RNF213: variants seen among roughly 807,000 people sequenced by gnomAD.
RNF213 encodes E3 ubiquitin-protein ligase RNF213.
Under a neutral mutation model 514.4 loss-of-function variants are expected in RNF213, and 341 were observed. The observed-to-expected ratio is 0.66, with a 90% confidence interval of 0.61 to 0.73. RNF213 has a LOEUF of 0.73. Ranked by LOEUF, RNF213 falls within the 30% of genes least tolerant of loss-of-function variation. The pLI, the probability that RNF213 is intolerant of heterozygous loss-of-function variation, is 0.00. For synonymous variants in RNF213, 2,655 were observed against 2,658.2 expected (o/e 1.00, Z 0.04); for missense variants, 5,767 against 6,615.6 (o/e 0.87, Z 4.45).
rs1238817695 is a variant in RNF213 at position 80,364,421 on chromosome 17, C to T, written c.11751-12C>T. On this transcript the variant is annotated splice_polypyrimidine_tract_variant and intron_variant, in intron 41 of 67. Transcript: ENST00000582970. ...GCCGAGTGAGTGAGTGAGTGGCGCC[C>T]TCTTTTGACAGAGCCCAGTGGAGTC... is the stretch of plus-strand genomic sequence containing the variant. 1 of 1,614,084 alleles carries T rather than the reference C, an allele frequency of 6.2e-7. No homozygotes were observed. Among genetic ancestry groups the T allele is most frequent in the East Asian group, 2.2e-5 (1 of 44,884 alleles).
intron 20 of RNF213, among the ~76,000 whole-genome samples, chr17:80,331,099 G>A (rs1333678880): frequency 6.6e-6 from 1 of 152,082 alleles, no homozygotes; most frequent in Non-Finnish European, 1.5e-5. Flanking sequence ...GATTACGGGC[G>A]TGAGCCACTG....
intron 54 of RNF213, among the ~76,000 whole-genome samples, chr17:80,378,287 A>G (rs1331944359): frequency 6.6e-6 from 1 of 152,208 alleles, no homozygotes; most frequent in Non-Finnish European, 1.5e-5. Context: ...GGTGTGGTCC[A>G]GATGCCAAAG....
chr17:80,273,285 G>A lies in RNF213; in HGVS notation c.142G>A (p.Glu48Lys), dbSNP rs1259465044. The A allele has an allele frequency of 5.0e-6, 8 of 1,613,606 alleles. No homozygotes were observed. Among genetic ancestry groups the A allele is most frequent in the Admixed American group, 1.7e-5 (1 of 60,006 alleles). The change falls in exon 3 of 68, where the codon GAA becomes AAA. Residue 48 changes from glutamate (E) to lysine (K), a missense_variant. By Grantham distance (56) the Glu-to-Lys change is moderately conservative (BLOSUM62 1). Around this residue, in one of 13 missense-constraint regions of RNF213, gnomAD observed 509 missense variants for 496.7 expected, o/e 1.02. Coordinates refer to ENST00000582970, the MANE Select transcript of RNF213 (RefSeq NM_001256071.3). The part of the protein sequence containing the change: ...NSTMASASEG[E>K]MECGQELKEE... ...CACAATGGCGTCGGCCTCGGAGGGTGAAATGGAGTGTGGGCAGGAGCTGAA... is the reference window on the plus strand; with the variant it reads ...CACAATGGCGTCGGCCTCGGAGGGTAAAATGGAGTGTGGGCAGGAGCTGAA...
At position 80,317,437 on chromosome 17, in the gene RNF213, C is replaced by T. The variant is rs2045985159; in HGVS notation, c.2901+160C>T. ...CTGTTTCTGATCCAGCCCTTATAGT[C>T]TGTCCCTAGAAGAGCGCTTCGGAGT... On this transcript the variant is annotated intron_variant, in intron 16 of 67. Coordinates refer to ENST00000582970, the MANE Select transcript of RNF213 (RefSeq NM_001256071.3). This position sits in a 1 kb window ranked among gnomAD's most constrained non-coding sequence, Gnocchi z 4.1. Among the ~76,000 whole-genome samples, 1 of 152,186 alleles carries T rather than the reference C, an allele frequency of 6.6e-6. No individual in the cohort carries two copies. Among genetic ancestry groups the T allele is most frequent in the Non-Finnish European group, 1.5e-5 (1 of 68,038 alleles).
rs536454031 is a variant in RNF213 at position 80,385,731 on chromosome 17, G to T, written c.14539+110G>T. On this transcript the variant is annotated intron_variant, in intron 61 of 67. Coordinates refer to ENST00000582970, the MANE Select transcript of RNF213 (RefSeq NM_001256071.3). ...CCTGTCAACACCCAGCACTGTGTTT[G>T]TTTGTTTTTGAGATGGAGTCTTGCT... is the stretch of plus-strand genomic sequence containing the variant. 4 of 936,230 alleles carry T rather than the reference G, an allele frequency of 4.3e-6. No homozygotes were observed. The African/African-American group carries it at 6.5e-5, about 15-fold the overall frequency. 58.0% of individuals were successfully genotyped at this position (936,230 alleles called of 1,614,324 possible). A position where few individuals can be genotyped will look rare whatever the true frequency, so the allele number is the denominator to read the frequency against.
At chr17:80,273,537 C>A in intron 3 of RNF213, 133 bp downstream of exon 3, 1 of 1,136,188 alleles carries the variant, frequency 8.8e-7, no homozygotes, top group Non-Finnish European at 1.3e-6. Flanking sequence ...AGGGCAGCAG[C>A]AGAGCTGCCC....
intron 20 of RNF213, among the ~76,000 whole-genome samples, chr17:80,328,728 G>A (rs1012818242): frequency 3.3e-5 from 5 of 152,084 alleles, no homozygotes; most frequent in Non-Finnish European, 7.4e-5. Context: ...AGCTGCTGAC[G>A]CCCGCTGCAG....
chr17:80,378,794 C>T (rs148156651), intron 54 of RNF213, among the ~76,000 whole-genome samples: 2 of 152,286 alleles, frequency 1.3e-5, no homozygotes, highest in East Asian at 3.9e-4. Context: ...GTGTTATCAG[C>T]CGTGACTCTC....
chr17:80,310,046 C>A (rs73446358), intron 14 of RNF213, among the ~76,000 whole-genome samples: 1,649 of 151,942 alleles, frequency 0.011, 23 homozygotes, highest in African/African-American at 0.038. Context: ...AACCACCACG[C>A]CCAGCCTCCC....
At chr17:80,319,528 C>A in intron 17 of RNF213, 1 of 1,612,856 alleles carries the variant, frequency 6.2e-7, no homozygotes, top group South Asian at 1.1e-5. Context: ...CTGCTCGCAC[C>A]ATCCTGCATG....
At chr17:80,338,626 T>TA (rs1281532259) in intron 25 of RNF213, among the ~76,000 whole-genome samples, 63 of 128,926 alleles carry the variant, frequency 4.9e-4, no homozygotes, top group South Asian at 7.5e-4. Flanking sequence ...TCAAAAAGTA[T>TA]AAGGTTTTTT....
rs568897025 is a variant in RNF213 at position 80,371,132 on chromosome 17, A to T, written c.12426-742A>T. 3.9e-5 allele frequency among the ~76,000 whole-genome samples: 6 copies of T among 152,340 alleles called. No individual in the cohort carries two copies. The South Asian group carries it at 1.0e-3, about 26-fold the overall frequency. On this transcript the variant is annotated intron_variant, in intron 46 of 67. Coordinates refer to ENST00000582970, the MANE Select transcript of RNF213 (RefSeq NM_001256071.3). ...CATGAAATCATGTGGGTCAAAAAAG[A>T]AAAAAATCTATTTAAAGTATGGGCA...
chr17:80,284,858 G>A (rs887831678), intron 3 of RNF213, among the ~76,000 whole-genome samples: 3 of 152,302 alleles, frequency 2.0e-5, no homozygotes, highest in South Asian at 4.1e-4. Context: ...GAGAGGAAGC[G>A]CTTCCTCAAA....
rs760655162 is a variant in RNF213, at chr17:80,353,031, G to T, written c.10395G>T (p.Gln3465His). Residue 3465 changes from glutamine to histidine, a missense_variant, in exon 33 of 68, where the codon CAG becomes CAT. Transcript: ENST00000582970. The surrounding 1 kb of genome is among the most constrained non-coding windows in gnomAD (Gnocchi z 5.0). ...GGCTGCAGCATGTCACCATCAGCCA[G>T]CTGTTCGCGCCCGGAGACTTGCCTG... Reference protein sequence around the residue: ...VTRLQHVTISQLFAPGDLPEL... With the variant: ...VTRLQHVTISHLFAPGDLPEL... The T allele has an allele frequency of 6.2e-7, 1 of 1,613,360 alleles. No homozygotes were observed. Among genetic ancestry groups the T allele is most frequent in the East Asian group, 2.2e-5 (1 of 44,886 alleles).
At position 80,346,604 on chromosome 17, in the gene RNF213, G is replaced by A. The variant is rs199523492; in HGVS notation, c.8269G>A (p.Val2757Ile). 154 of 1,613,182 alleles carry A rather than the reference G, an allele frequency of 9.5e-5. 1 individual carries two copies. In the African/African-American group the frequency reaches 1.7e-3, roughly 18 times the overall value. Reference protein sequence around the residue: ...ALKENVFMMVVCIELKIPLFL... With the variant: ...ALKENVFMMVICIELKIPLFL... ...GAAGGAGAACGTCTTCATGATGGTC[G>A]TCTGCATCGAGCTGAAGATTCCCCT... The change falls in exon 29 of 68, where the codon GTC becomes ATC. Residue 2757 changes from valine to isoleucine, a missense_variant. This residue lies in a region of RNF213 where 105 missense variants were observed against 183.9 expected (regional missense o/e 0.57). Coordinates refer to ENST00000582970, the MANE Select transcript of RNF213 (RefSeq NM_001256071.3). This position sits in a 1 kb window ranked among gnomAD's most constrained non-coding sequence, Gnocchi z 8.1.
chr17:80,388,199 C>G (rs973232898), intron 63 of RNF213, among the ~76,000 whole-genome samples: 2 of 152,150 alleles, frequency 1.3e-5, no homozygotes, highest in South Asian at 2.1e-4. Flanking sequence ...CTCTTGACTT[C>G]GTGATCTGCC....
rs570823600 is a variant in RNF213 at position 80,391,098 on chromosome 17, C to T, written c.15470+902C>T. ...AAAAAAAGAATAGAAAAAGCTATAC[C>T]AATGTATAAAGAGTGTATGAGAATA... On this transcript the variant is annotated intron_variant, in intron 67 of 67. Transcript: ENST00000582970. Among the ~76,000 whole-genome samples, 6 of 152,176 alleles carry T rather than the reference C, an allele frequency of 3.9e-5. No individual in the cohort carries two copies. The South Asian group carries it at 1.2e-3, about 32-fold the overall frequency.
At chr17:80,374,701 C>T (rs1457599395) in intron 50 of RNF213, 112 bp downstream of exon 50, 6 of 1,277,134 alleles carry the variant, frequency 4.7e-6, no homozygotes, top group Non-Finnish European at 6.6e-6. Context: ...TGCAGCCCAT[C>T]ACGTGACACT....
intron 14 of RNF213, among the ~76,000 whole-genome samples, chr17:80,311,563 C>T (rs527441921): frequency 1.3e-5 from 2 of 152,352 alleles, no homozygotes; most frequent in South Asian, 2.1e-4. Flanking sequence ...GCAGCACCTG[C>T]ATCCTGGTCC....
Sources: gnomAD v4.1 joint callset for allele counts (sites outside exome capture counted in the v4.1 genomes callset) on GRCh38, gnomAD v4.1.1 for gene constraint, gnomAD v4.1.1 regional missense constraint, Gnocchi (gnomAD v3.1) non-coding constraint, MANE v1.5 for transcripts, NCBI Gene and HGNC (gene_info 2026-07-23, HGNC 2026-07-21) for gene names.